The following UQCC1 variants were observed in gnomAD, a reference collection of about 807,000 sequenced individuals.
UQCC1 encodes the protein ubiquinol-cytochrome c reductase complex assembly factor 1.
In UQCC1, 38 loss-of-function variants were observed where a neutral mutation model predicts 48.0. That is an observed-to-expected ratio of 0.79 (90% CI 0.61 to 1.04). The LOEUF (loss-of-function observed/expected upper bound fraction) is 1.04, where lower values mean the gene tolerates loss of function less well. Ranked by LOEUF, UQCC1 falls within the 50% of genes least tolerant of loss-of-function variation. The pLI is 0.00. For missense variants in UQCC1, 368 were observed against 381.8 expected, an observed-to-expected ratio of 0.96 and a Z score of 0.30; for synonymous variants, 111 against 129.2, an observed-to-expected ratio of 0.86 and a Z score of 0.95.
rs542611027 is a variant in UQCC1 at position 35,314,153 on chromosome 20, G to A, written c.651+535C>T. Among the ~76,000 whole-genome samples, 12 of 151,300 alleles carry A rather than the reference G, an allele frequency of 7.9e-5. No individual in the cohort carries two copies. In the South Asian group the frequency reaches 2.1e-3, roughly 26 times the overall value. Reference sequence around the variant, plus strand: ...CTAAGTTTTGCATTTTTAGTGACACGGGGTTTCACCATGTTGGCCAGGCTG... The same window carrying A: ...CTAAGTTTTGCATTTTTAGTGACACAGGGTTTCACCATGTTGGCCAGGCTG... On this transcript the variant is annotated intron_variant, in intron 8 of 9. Transcript: ENST00000374385.
Position 35,322,304 on chromosome 20 carries a change from G to T in UQCC1, c.574-7539C>A, listed in dbSNP as rs143758132. Reference sequence around the variant, plus strand: ...TGATGACAGTGATGGTCGTAACAATGATTACACAATGCATTTAATAATATT... The same window carrying T: ...TGATGACAGTGATGGTCGTAACAATTATTACACAATGCATTTAATAATATT... On this transcript the variant is annotated intron_variant, in intron 7 of 9. Coordinates refer to ENST00000374385, the MANE Select transcript of UQCC1 (RefSeq NM_018244.5). 3.2e-3 allele frequency among the ~76,000 whole-genome samples: 482 copies of T among 152,064 alleles called. 2 individuals carry two copies. The highest frequency in any genetic ancestry group is 6.8e-3 in the Middle Eastern group (2 of 294).
chr20:35,347,411 A>G (rs2061443604), intron 6 of UQCC1, 139 bp from the exon 7 acceptor site: 1 of 907,060 alleles, frequency 1.1e-6, no homozygotes, highest in Admixed American at 2.6e-5. Context: ...TTTTTTTTAA[A>G]CTTTTACTGA....
At chr20:35,319,298 A>G (rs1190226463) in intron 7 of UQCC1, among the ~76,000 whole-genome samples, 1 of 152,196 alleles carries the variant, frequency 6.6e-6, no homozygotes, top group Non-Finnish European at 1.5e-5. Context: ...TGTCACCTCT[A>G]GCCAACCACA....
chr20:35,411,522 T>C (rs1273438858), intron 1 of UQCC1, among the ~76,000 whole-genome samples: 1 of 152,104 alleles, frequency 6.6e-6, no homozygotes, highest in Non-Finnish European at 1.5e-5. Flanking sequence ...CTGCAGGAGA[T>C]AAATGTCCTC....
intron 7 of UQCC1, among the ~76,000 whole-genome samples, chr20:35,337,130 CAG>C (rs1247112130): frequency 1.3e-5 from 2 of 151,966 alleles, no homozygotes; most frequent in Admixed American, 1.3e-4. Flanking sequence ...GGTGAAAAGA[CAG>C]ACTGTTGGGT....
At chr20:35,385,656 C>T (rs1403962657) in intron 2 of UQCC1, among the ~76,000 whole-genome samples, 1 of 152,088 alleles carries the variant, frequency 6.6e-6, no homozygotes. Flanking sequence ...CATCTGTCAT[C>T]ACACCCTGCT....
At chr20:35,324,953 G>A (rs1039344076) in intron 7 of UQCC1, among the ~76,000 whole-genome samples, 2 of 152,176 alleles carry the variant, frequency 1.3e-5, no homozygotes, top group Non-Finnish European at 2.9e-5. Context: ...TCCAATGACA[G>A]GGATAAACAA....
intron 3 of UQCC1, among the ~76,000 whole-genome samples, chr20:35,382,324 GA>G (rs1334356464): frequency 2.6e-5 from 4 of 151,746 alleles, no homozygotes; most frequent in Admixed American, 2.0e-4. Flanking sequence ...GTTCTCTGGA[GA>G]GGGGGGGTCC....
intron 7 of UQCC1, among the ~76,000 whole-genome samples, chr20:35,342,411 T>C (rs1341841133): frequency 6.6e-6 from 1 of 152,208 alleles, no homozygotes; most frequent in Non-Finnish European, 1.5e-5. Context: ...TTGGTTGAAA[T>C]GTCACAAATG....
chr20:35,355,189 C>CACTG (rs2061533418), intron 6 of UQCC1, among the ~76,000 whole-genome samples: 1 of 152,106 alleles, frequency 6.6e-6, no homozygotes, highest in Admixed American at 6.5e-5. Context: ...TTCTCCTCAT[C>CACTG]ACTGTTATAA....
rs902716125 is a variant in UQCC1 at position 35,346,980 on chromosome 20, A to G, written c.573+184T>C. 1.1e-4 allele frequency: 175 copies of G among 1,532,484 alleles called. 2 individuals are homozygous for G. The Admixed American group carries it at 3.4e-3, about 30-fold the overall frequency. The allele number at this position is 1,532,484 out of a possible 1,614,324, so 94.9% of individuals were successfully genotyped here. ...ATCACTATAATGTGTACAAACACAT[A>G]AAGTATCTGTGGAGTATTAGTTTCC... On this transcript the variant is annotated intron_variant, in intron 7 of 9. Transcript: ENST00000374385.
At chr20:35,390,985 C>A (rs763881123) in intron 2 of UQCC1, among the ~76,000 whole-genome samples, 7 of 152,048 alleles carry the variant, frequency 4.6e-5, no homozygotes, top group Non-Finnish European at 7.4e-5. Flanking sequence ...CACCTCGGAT[C>A]AGGAGTTCAA....
intron 2 of UQCC1, among the ~76,000 whole-genome samples, chr20:35,388,308 T>TTTTTTTTTTTGGAG (rs67663221): frequency 8.2e-6 from 1 of 121,250 alleles, no homozygotes; most frequent in Non-Finnish European, 1.7e-5. Context: ...TCTTTTTTTT[T>TTTTTTTTTTTGGAG]GAGACAGGGT....
chr20:35,303,823 G>T lies in UQCC1; in HGVS notation c.*112C>A. The T allele has an allele frequency of 7.1e-7, 1 of 1,412,894 alleles. No individual in the cohort carries two copies. Among genetic ancestry groups the T allele is most frequent in the Non-Finnish European group, 9.9e-7 (1 of 1,013,804 alleles). 87.5% of individuals were successfully genotyped at this position (1,412,894 alleles called of 1,614,324 possible). ...AAATGGGGCCAGGTATTTGACAGAT[G>T]CTGTTCAGAGGTCAGTTCAGGCCAC... On this transcript the variant is annotated 3_prime_UTR_variant, in exon 10 of 10. Coordinates refer to ENST00000374385, the MANE Select transcript of UQCC1 (RefSeq NM_018244.5).
chr20:35,324,168 A>G (rs147425146), intron 7 of UQCC1, among the ~76,000 whole-genome samples: 111 of 152,336 alleles, frequency 7.3e-4, no homozygotes, highest in Non-Finnish European at 1.2e-3. Context: ...AAGATCCCTT[A>G]GCTGCCCTGT....
At chr20:35,389,520 G>A (rs1211423358) in intron 2 of UQCC1, among the ~76,000 whole-genome samples, 2 of 151,390 alleles carry the variant, frequency 1.3e-5, no homozygotes, top group South Asian at 2.1e-4. Flanking sequence ...CCAAGATCTC[G>A]CCACTGCACT....
intron 1 of UQCC1, among the ~76,000 whole-genome samples, chr20:35,398,077 T>C (rs141393612): frequency 6.6e-6 from 1 of 152,298 alleles, no homozygotes; most frequent in Non-Finnish European, 1.5e-5. Context: ...CAATGTCACA[T>C]AGTTCTAACA....
In UQCC1 at chr20:35,342,013, A is replaced by G. The variant is rs117984590; in HGVS notation, c.573+5151T>C. Among the ~76,000 whole-genome samples the G allele has an allele frequency of 3.6e-3, 554 of 152,280 alleles. 22 individuals carry two copies. The East Asian group carries it at 0.081, about 22-fold the overall frequency. On this transcript the variant is annotated intron_variant, in intron 7 of 9. Transcript: ENST00000374385. ...TACAAAGCAAAATGGTGGTTCTGAG[A>G]AGCAAGGCAGAATTACACAAGAGTC...
chr20:35,340,730 A>T (rs1443798761), intron 7 of UQCC1, among the ~76,000 whole-genome samples: 1 of 152,212 alleles, frequency 6.6e-6, no homozygotes, highest in Non-Finnish European at 1.5e-5. Flanking sequence ...GTCTTTAAAA[A>T]CAATACCTTT....
Sources: gnomAD v4.1 joint callset for allele counts (sites outside exome capture counted in the v4.1 genomes callset) on GRCh38, gnomAD v4.1.1 for gene constraint, MANE v1.5 for transcripts, NCBI Gene and HGNC (gene_info 2026-07-23, HGNC 2026-07-21) for gene names.